NXNL2: variants seen among roughly 807,000 people sequenced by gnomAD.
NXNL2 encodes nucleoredoxin-like protein 2.
NXNL2 carries 7 observed loss-of-function variants against 11.1 expected under a neutral mutation model. The observed-to-expected ratio is 0.63, with a 90% confidence interval of 0.36 to 1.18. The LOEUF (loss-of-function observed/expected upper bound fraction) is 1.18. Among genes scored for constraint, NXNL2 ranks in the 50% most tolerant of loss-of-function variants. NXNL2 has a pLI of 0.02. For synonymous variants in NXNL2, 109 were observed against 101.8 expected, an observed-to-expected ratio of 1.07 and a Z score of -0.42; for missense variants, 233 against 217.7, an observed-to-expected ratio of 1.07 and a Z score of -0.44.
chr9:88,560,220 G>A (rs1045030714), intron 1 of NXNL2, among the ~76,000 whole-genome samples: 10 of 151,916 alleles, frequency 6.6e-5, no homozygotes, highest in Non-Finnish European at 1.3e-4. Context: ...CTCTGGATGT[G>A]GATGCATCTT....
At chr9:88,564,180 C>T (rs1830129409) in intron 1 of NXNL2, among the ~76,000 whole-genome samples, 1 of 150,046 alleles carries the variant, frequency 6.7e-6, no homozygotes, top group East Asian at 2.0e-4. Context: ...CATTGCACTC[C>T]AGCCTGGGGG....
chr9:88,565,296 T>C (rs1830152553), intron 1 of NXNL2, among the ~76,000 whole-genome samples: 1 of 152,238 alleles, frequency 6.6e-6, no homozygotes, highest in Non-Finnish European at 1.5e-5. Context: ...ATCTTGGCTA[T>C]TGTGAATAAT....
At chr9:88,563,322 G>A (rs1048065093) in intron 1 of NXNL2, among the ~76,000 whole-genome samples, 10 of 152,132 alleles carry the variant, frequency 6.6e-5, no homozygotes, top group East Asian at 1.9e-4. Flanking sequence ...TTCTCATGTC[G>A]CAGCATCTGT....
intron 1 of NXNL2, among the ~76,000 whole-genome samples, chr9:88,537,647 T>C (rs1829656487): frequency 6.6e-6 from 1 of 152,226 alleles, no homozygotes; most frequent in Admixed American, 6.5e-5. Flanking sequence ...TACAGGACCT[T>C]GGTGTTCCCA....
downstream of NXNL2, among the ~76,000 whole-genome samples, chr9:88,546,855 G>A (rs761765115): frequency 6.6e-6 from 1 of 152,154 alleles, no homozygotes; most frequent in Admixed American, 6.5e-5. Flanking sequence ...GAAGCAATAC[G>A]TGCTCACTGT....
chr9:88,571,348 G>A (rs1014971443), intron 2 of NXNL2: 1 of 204,882 alleles, frequency 4.9e-6, no homozygotes, highest in African/African-American at 2.4e-5. Context: ...GGGATTACAT[G>A]TGTGAGCCAC....
intron 1 of NXNL2, among the ~76,000 whole-genome samples, chr9:88,537,963 G>A (rs1829663063): frequency 6.6e-6 from 1 of 152,180 alleles, no homozygotes; most frequent in African/African-American, 2.4e-5. Flanking sequence ...TTGAAGGCAG[G>A]GACCAACGCT....
intron 1 of NXNL2, among the ~76,000 whole-genome samples, chr9:88,561,141 C>T (rs1830080187): frequency 6.6e-6 from 1 of 152,094 alleles, no homozygotes; most frequent in Admixed American, 6.5e-5. Context: ...GGAAGGCAGT[C>T]ACCTTAGTCA....
downstream of NXNL2, among the ~76,000 whole-genome samples, chr9:88,580,782 G>C (rs1830400839): frequency 6.6e-6 from 1 of 152,112 alleles, no homozygotes; most frequent in Admixed American, 6.6e-5. Flanking sequence ...TCTGATCCAG[G>C]ACCCAGTCCA....
At chr9:88,539,839 C>G (rs983283842) in intron 1 of NXNL2, 1 of 152,144 alleles carries the variant, frequency 6.6e-6, no homozygotes, top group South Asian at 2.1e-4. Context: ...AGACACCCAC[C>G]ACCACACCCG....
chr9:88,542,350 G>A (rs1445059698), intron 1 of NXNL2, among the ~76,000 whole-genome samples: 3 of 151,720 alleles, frequency 2.0e-5, no homozygotes, highest in Non-Finnish European at 4.4e-5. Flanking sequence ...GTGCAGTGGC[G>A]CGATCTCGGC....
chr9:88,540,154 A>G (rs2118405477), intron 1 of NXNL2, among the ~76,000 whole-genome samples: 1 of 152,022 alleles, frequency 6.6e-6, no homozygotes, highest in Admixed American at 6.5e-5. Context: ...AACACGGTGA[A>G]ACCCTGTCTC....
At chr9:88,581,851 C>T (rs967803027) in intron 1 of NXNL2, among the ~76,000 whole-genome samples, 2 of 152,220 alleles carry the variant, frequency 1.3e-5, no homozygotes, top group Non-Finnish European at 2.9e-5. Context: ...TAAGTACTTG[C>T]TGATGTCTAT....
chr9:88,552,728 C>G (rs906528041), intron 1 of NXNL2, among the ~76,000 whole-genome samples: 1 of 152,170 alleles, frequency 6.6e-6, no homozygotes, highest in African/African-American at 2.4e-5. Context: ...CTCAGCCTCC[C>G]AAAGTGCTGG....
At chr9:88,579,764 T>G (rs1350835401), downstream of NXNL2, among the ~76,000 whole-genome samples, 4 of 152,150 alleles carry the variant, frequency 2.6e-5, no homozygotes, top group East Asian at 7.7e-4. Flanking sequence ...GAGTGGGTTA[T>G]GCAGGGTGGC....
chr9:88,584,158 C>T (rs1020832295), exon 2 of NXNL2: 1 of 152,216 alleles, frequency 6.6e-6, no homozygotes, highest in Non-Finnish European at 1.5e-5. Flanking sequence ...AGCCTGACAG[C>T]CAGTCTGTTT....
downstream of NXNL2, among the ~76,000 whole-genome samples, chr9:88,580,094 G>A (rs1023553282): frequency 6.6e-6 from 1 of 151,294 alleles, no homozygotes; most frequent in Non-Finnish European, 1.5e-5. Flanking sequence ...AGCCAAGATC[G>A]CGCCATTGCA....
chr9:88,546,713 C>A (rs757608420), downstream of NXNL2, among the ~76,000 whole-genome samples: 1 of 152,124 alleles, frequency 6.6e-6, no homozygotes, highest in Non-Finnish European at 1.5e-5. Context: ...CCACGCTTGG[C>A]CGACACATAC....
downstream of NXNL2, among the ~76,000 whole-genome samples, chr9:88,580,153 CTTTT>C (rs756690090): frequency 3.1e-5 from 4 of 127,786 alleles, no homozygotes; most frequent in South Asian, 2.7e-4. Flanking sequence ...AAAAAAAATT[CTTTT>C]TTTTTTTTTT....
Sources: allele counts gnomAD v4.1 joint callset (sites outside exome capture counted in the v4.1 genomes callset), GRCh38; gene constraint gnomAD v4.1.1; transcripts MANE v1.5; gene names NCBI Gene and HGNC (gene_info 2026-07-23, HGNC 2026-07-21).